The following LRP12 variants were observed in gnomAD, a reference collection of about 807,000 sequenced individuals.
The protein encoded by LRP12 is LDL receptor related protein 12, also known as low-density lipoprotein receptor-related protein 12.
A neutral mutation model predicts 66.0 loss-of-function variants in LRP12; 14 were observed. The observed-to-expected ratio is 0.21, with a 90% confidence interval of 0.14 to 0.33. The LOEUF (loss-of-function observed/expected upper bound fraction) is 0.33. Among genes scored for constraint, LRP12 ranks in the 10% least tolerant of loss-of-function variants. The probability of loss-of-function intolerance (pLI) is 1.00; values close to 1 mark genes in which losing one functional copy is unlikely to be tolerated. For synonymous variants in LRP12, 357 were observed against 359.1 expected (o/e 0.99, Z 0.07); for missense variants, 889 against 1,053.4 (o/e 0.84, Z 2.16).
At position 104,497,156 on chromosome 8, in the gene LRP12, C is replaced by G. The variant is rs1249029225; in HGVS notation, c.1396G>C (p.Glu466Gln). ...TCTTGAGAATCACACACCCAACTTTCAAACACACAACGATTGTTTTTACAA... is the reference window on the plus strand; with the variant it reads ...TCTTGAGAATCACACACCCAACTTTGAAACACACAACGATTGTTTTTACAA... ...FHCKNNRCVF[E>Q]SWVCDSQDDC... Residue 466 changes from glutamate to glutamine, a missense_variant, in exon 5 of 7, where the codon GAA becomes CAA. Transcript: ENST00000276654. This position sits in a 1 kb window ranked among gnomAD's most constrained non-coding sequence, Gnocchi z 4.3. 1.2e-6 allele frequency: 2 copies of G among 1,610,730 alleles called. No individual in the cohort carries two copies. Among genetic ancestry groups the G allele is most frequent in the Non-Finnish European group, 1.7e-6 (2 of 1,178,532 alleles).
At chr8:104,567,447 G>T (rs576335495) in intron 1 of LRP12, among the ~76,000 whole-genome samples, 1 of 151,918 alleles carries the variant, frequency 6.6e-6, no homozygotes, top group Non-Finnish European at 1.5e-5. Flanking sequence ...GACCTCCCCC[G>T]GGTACCTCCC....
chr8:104,505,399 CTTTTT>C (rs57277820), intron 3 of LRP12: 6 of 103,356 alleles, frequency 5.8e-5, no homozygotes, highest in Non-Finnish European at 5.7e-5. Context: ...TCCTTCTTTC[CTTTTT>C]TTTTTTTTTT....
chr8:104,575,205 C>G (rs1328782513), intron 1 of LRP12, among the ~76,000 whole-genome samples: 1 of 152,174 alleles, frequency 6.6e-6, no homozygotes, highest in Non-Finnish European at 1.5e-5. Flanking sequence ...AGAAGGAATC[C>G]AGATCCACCA....
rs190965457 is a variant in LRP12 at position 104,535,896 on chromosome 8, T to C, written c.80-3933A>G. ...AAGAAATAGTGCTTAGCTCTCAGAA[T>C]TAAAATCTACCTGCCACAGCATTCC... On this transcript the variant is annotated intron_variant, in intron 1 of 6. Coordinates refer to ENST00000276654, the MANE Select transcript of LRP12 (RefSeq NM_013437.5). Among the ~76,000 whole-genome samples the C allele has an allele frequency of 6.0e-3, 913 of 152,158 alleles. 9 individuals carry two copies. The highest frequency in any genetic ancestry group is 0.012 in the Admixed American group (188 of 15,248).
intron 3 of LRP12, chr8:104,505,934 A>G (rs1450979255): frequency 6.6e-6 from 1 of 152,200 alleles, no homozygotes; most frequent in African/African-American, 2.4e-5. Context: ...TTTTACTAAA[A>G]TTTAGCATTT....
intron 2 of LRP12, among the ~76,000 whole-genome samples, chr8:104,522,021 T>C (rs1012020294): frequency 6.6e-5 from 10 of 152,024 alleles, no homozygotes; most frequent in Non-Finnish European, 8.8e-5. Flanking sequence ...AAGCTTTATT[T>C]CCTTTCAGAT....
chr8:104,528,743 C>G (rs951150522), intron 2 of LRP12, among the ~76,000 whole-genome samples: 2 of 151,790 alleles, frequency 1.3e-5, no homozygotes, highest in Admixed American at 6.6e-5. Context: ...ACACTGTACT[C>G]CAGCCTGGCC....
Position 104,588,194 on chromosome 8 carries a change from G to T in LRP12, c.79+625C>A, listed in dbSNP as rs117884076. Among the ~76,000 whole-genome samples the T allele has an allele frequency of 6.6e-3, 1,002 of 152,312 alleles. 10 individuals are homozygous for T. The highest frequency in any genetic ancestry group is 8.8e-3 in the Non-Finnish European group (600 of 68,032). ...GTACACCCTAACAGGAGAGACTGAGGTGGGGCTGGAAACTATTTTCTGGCC... is the reference window on the plus strand; with the variant it reads ...GTACACCCTAACAGGAGAGACTGAGTTGGGGCTGGAAACTATTTTCTGGCC... On this transcript the variant is annotated intron_variant, in intron 1 of 6. Transcript: ENST00000276654.
At chr8:104,557,373 G>A (rs1196648290) in intron 1 of LRP12, among the ~76,000 whole-genome samples, 1 of 151,972 alleles carries the variant, frequency 6.6e-6, no homozygotes, top group Non-Finnish European at 1.5e-5. Context: ...CCCATACCCA[G>A]AAAACCCTAA....
chr8:104,584,771 A>G lies in LRP12; in HGVS notation c.79+4048T>C, dbSNP rs146752945. 1.6e-3 allele frequency among the ~76,000 whole-genome samples: 249 copies of G among 152,332 alleles called. 1 individual carries two copies. The highest frequency in any genetic ancestry group is 5.6e-3 in the African/African-American group (234 of 41,576). On this transcript the variant is annotated intron_variant, in intron 1 of 6. Transcript: ENST00000276654. ...AGGAAGGGTTTATGTTAAGCAATTAATTCAATTTTATTCAACACATTTTAT... is the reference window on the plus strand; with the variant it reads ...AGGAAGGGTTTATGTTAAGCAATTAGTTCAATTTTATTCAACACATTTTAT...
At chr8:104,526,035 T>C (rs371959676) in intron 2 of LRP12, among the ~76,000 whole-genome samples, 71 of 152,118 alleles carry the variant, frequency 4.7e-4, no homozygotes, top group African/African-American at 1.7e-3. Flanking sequence ...TATACACCAA[T>C]AACAGACAAA....
At chr8:104,567,853 G>T (rs1812028521) in intron 1 of LRP12, among the ~76,000 whole-genome samples, 1 of 152,148 alleles carries the variant, frequency 6.6e-6, no homozygotes, top group Admixed American at 6.5e-5. Context: ...TGACAAATAT[G>T]CTCTACAGAT....
At chr8:104,568,011 T>C (rs929707708) in intron 1 of LRP12, among the ~76,000 whole-genome samples, 2 of 152,174 alleles carry the variant, frequency 1.3e-5, no homozygotes, top group Non-Finnish European at 2.9e-5. Context: ...ACTCACACTT[T>C]CTGATTTCAA....
intron 1 of LRP12, among the ~76,000 whole-genome samples, chr8:104,547,660 A>G (rs1171504034): frequency 1.7e-5 from 2 of 120,494 alleles, no homozygotes; most frequent in East Asian, 4.4e-4. Flanking sequence ...AAAATATAAT[A>G]TAATTCTATA....
intron 1 of LRP12, among the ~76,000 whole-genome samples, chr8:104,554,369 T>C (rs1377791703): frequency 1.3e-5 from 2 of 152,122 alleles, no homozygotes; most frequent in Non-Finnish European, 2.9e-5. Context: ...TTAAGATTTT[T>C]TTTTTAAATG....
intron 1 of LRP12, among the ~76,000 whole-genome samples, chr8:104,551,897 G>A (rs1489783911): frequency 6.6e-6 from 1 of 152,142 alleles, no homozygotes; most frequent in Non-Finnish European, 1.5e-5. Flanking sequence ...TGAGATCTCA[G>A]TAAATGTTTG....
intron 2 of LRP12, among the ~76,000 whole-genome samples, chr8:104,512,686 T>C (rs1342945619): frequency 1.3e-5 from 2 of 152,106 alleles, no homozygotes; most frequent in Non-Finnish European, 2.9e-5. Context: ...TTTTATTAGG[T>C]TTTGTTTTAG....
intron 2 of LRP12, among the ~76,000 whole-genome samples, chr8:104,530,941 A>C (rs1285797165): frequency 6.6e-6 from 1 of 152,080 alleles, no homozygotes; most frequent in Non-Finnish European, 1.5e-5. Context: ...GCACTGAAGC[A>C]CTTGCTTTGC....
At position 104,497,217 on chromosome 8, in the gene LRP12, T is replaced by C; in HGVS notation, c.1335A>G (p.Glu445=). 6.2e-7 allele frequency: 1 copy of C among 1,612,624 alleles called. No homozygotes were observed. Among genetic ancestry groups the C allele is most frequent in the Non-Finnish European group, 8.5e-7 (1 of 1,179,264 alleles). Reference sequence around the variant, plus strand: ...CTGGTTGGCAAAAAAAGCAGTTTTTTTCATCTGAGCCATTTGGGCAATGAT... The same window carrying C: ...CTGGTTGGCAAAAAAAGCAGTTTTTCTCATCTGAGCCATTTGGGCAATGAT... ...YQNHCPNGSD[E]KNCFFCQPGN... is the part of the protein sequence containing the mutation. The change falls in exon 5 of 7, where the codon GAA becomes GAG. Residue 445 remains glutamate (E), a synonymous_variant. Coordinates refer to ENST00000276654, the MANE Select transcript of LRP12 (RefSeq NM_013437.5). This position sits in a 1 kb window ranked among gnomAD's most constrained non-coding sequence, Gnocchi z 4.3.
Sources: gnomAD v4.1 joint callset for allele counts (sites outside exome capture counted in the v4.1 genomes callset) on GRCh38, gnomAD v4.1.1 for gene constraint, Gnocchi (gnomAD v3.1) non-coding constraint, MANE v1.5 for transcripts, NCBI Gene and HGNC (gene_info 2026-07-23, HGNC 2026-07-21) for gene names.